Variants in GNG11 observed in about 807,000 individuals in gnomAD.
The protein encoded by GNG11 is guanine nucleotide-binding protein G(I)/G(S)/G(O) subunit gamma-11.
Under a neutral mutation model 7.4 loss-of-function variants are expected in GNG11, and 6 were observed. The ratio of observed to expected loss-of-function variants is 0.81; its 90% CI spans 0.44 to 1.60. The LOEUF (loss-of-function observed/expected upper bound fraction) is 1.60. Ranked by LOEUF, GNG11 falls within the 40% of genes most tolerant of loss-of-function variation. The probability of loss-of-function intolerance (pLI) is 0.01; values close to 1 mark genes in which losing one functional copy is unlikely to be tolerated. For missense variants in GNG11, 65 were observed against 83.0 expected (o/e 0.78, Z 0.84); for synonymous variants, 31 against 25.9 (o/e 1.20, Z -0.60).
In GNG11 at chr7:93,924,960, C is replaced by G. The variant is rs994619517; in HGVS notation, c.97-1131C>G. On this transcript the variant is annotated intron_variant, in intron 1 of 1. Coordinates refer to ENST00000248564, the MANE Select transcript of GNG11 (RefSeq NM_004126.4). ...CGGGCGGATCACGAGGTCAGGAGAT[C>G]AAGACCATGCTGGCTAACGTGGTGA... 7.2e-5 allele frequency among the ~76,000 whole-genome samples: 11 copies of G among 152,256 alleles called. 1 individual carries two copies. The South Asian group carries it at 2.1e-3, about 29-fold the overall frequency.
In GNG11 at chr7:93,921,823, T is replaced by G; in HGVS notation, c.-315T>G. On this transcript the variant is annotated 5_prime_UTR_variant, in exon 1 of 2. Coordinates refer to ENST00000248564, the MANE Select transcript of GNG11 (RefSeq NM_004126.4). ...CGTGGCCAGCATCCCTGCTGGGCGA[T>G]TGAGCAGCGGGAAGCTGCTTGGACC... is the stretch of plus-strand genomic sequence containing the variant. 18 of 197,952 alleles carry G rather than the reference T, an allele frequency of 9.1e-5. No homozygotes were observed. The highest frequency in any genetic ancestry group is 2.2e-4 in the East Asian group (2 of 8,990). 12.3% of individuals were successfully genotyped at this position (197,952 alleles called of 1,614,324 possible). A position where few individuals can be genotyped will look rare whatever the true frequency, so the allele number is the denominator to read the frequency against.
At chr7:93,925,447 C>A (rs937637738) in intron 1 of GNG11, among the ~76,000 whole-genome samples, 1 of 152,028 alleles carries the variant, frequency 6.6e-6, no homozygotes, top group Non-Finnish European at 1.5e-5. Flanking sequence ...TCAGATAAGT[C>A]TTTTATTATG....
At position 93,926,435 on chromosome 7, in the gene GNG11, T is replaced by C; in HGVS notation, c.*219T>C. Reference sequence around the variant, plus strand: ...GCAGAGAGTATCAGATGTACAATTATGGAAATAAGAACATTACTTGAGCAT... The same window carrying C: ...GCAGAGAGTATCAGATGTACAATTACGGAAATAAGAACATTACTTGAGCAT... On this transcript the variant is annotated 3_prime_UTR_variant, in exon 2 of 2. Transcript: ENST00000248564. 1 of 318,316 alleles carries C rather than the reference T, an allele frequency of 3.1e-6. No individual in the cohort carries two copies. Among genetic ancestry groups the C allele is most frequent in the Non-Finnish European group, 5.7e-6 (1 of 175,272 alleles). The allele number at this position is 318,316 out of a possible 1,614,324, so 19.7% of individuals were successfully genotyped here.
intron 1 of GNG11, among the ~76,000 whole-genome samples, chr7:93,925,588 C>T (rs1159980708): frequency 2.0e-5 from 3 of 152,138 alleles, no homozygotes; most frequent in Admixed American, 1.3e-4. Context: ...CAGAACATGG[C>T]ACACACCCAT....
intron 1 of GNG11, 38 bp downstream of exon 1, chr7:93,922,271 T>A: frequency 8.0e-7 from 1 of 1,248,752 alleles, no homozygotes; most frequent in Non-Finnish European, 1.1e-6. Context: ...TTCTCTGAAA[T>A]GAAGCAGGGT....
At chr7:93,922,799 A>G (rs1794633355) in intron 1 of GNG11, among the ~76,000 whole-genome samples, 1 of 152,212 alleles carries the variant, frequency 6.6e-6, no homozygotes, top group Non-Finnish European at 1.5e-5. Context: ...GTATGCGATT[A>G]ATACAGTAGT....
At chr7:93,925,019 C>A (rs915108237) in intron 1 of GNG11, among the ~76,000 whole-genome samples, 6 of 152,102 alleles carry the variant, frequency 3.9e-5, no homozygotes, top group Non-Finnish European at 7.4e-5. Flanking sequence ...AAAAAATTAG[C>A]CAGGCGTGGT....
Position 93,926,294 on chromosome 7 carries a change from T to A in GNG11, c.*78T>A. On this transcript the variant is annotated 3_prime_UTR_variant, in exon 2 of 2. Transcript: ENST00000248564. The stretch of plus-strand genomic sequence containing the variant: ...TCCCAGATAAAACCAACATGCTTTT[T>A]AAGGAAGGAAGAATGAAATTAAAAG... 9.2e-7 allele frequency: 1 copy of A among 1,085,564 alleles called. No homozygotes were observed. 67.2% of individuals were successfully genotyped at this position (1,085,564 alleles called of 1,614,324 possible).
chr7:93,925,866 T>C (rs1794671198), intron 1 of GNG11, among the ~76,000 whole-genome samples: 1 of 151,910 alleles, frequency 6.6e-6, no homozygotes, highest in Admixed American at 6.6e-5. Context: ...TTACATAGGT[T>C]GCATCATAGG....
In GNG11 at chr7:93,922,120, C is replaced by T. The variant is rs762937534; in HGVS notation, c.-18C>T. ...GCTCCGCTGCCAGAGCTAGCCCGAGCCCGGTTCTGGGGCGAAAATGCCTGC... is the reference window on the plus strand; with the variant it reads ...GCTCCGCTGCCAGAGCTAGCCCGAGTCCGGTTCTGGGGCGAAAATGCCTGC... On this transcript the variant is annotated 5_prime_UTR_variant, in exon 1 of 2. Transcript: ENST00000248564. The T allele has an allele frequency of 9.7e-6, 15 of 1,541,188 alleles. No homozygotes were observed. The Admixed American group carries it at 2.6e-4, about 27-fold the overall frequency.
intron 1 of GNG11, among the ~76,000 whole-genome samples, chr7:93,925,533 C>A (rs1794665904): frequency 6.6e-6 from 1 of 152,124 alleles, no homozygotes; most frequent in African/African-American, 2.4e-5. Flanking sequence ...TCCAATCTTT[C>A]CAGAATCAGG....
chr7:93,928,109 T>G lies in GNG11; in HGVS notation c.*1893T>G, dbSNP rs1794705964. The G allele has an allele frequency of 6.7e-6, 1 of 149,306 alleles. No homozygotes were observed. The highest frequency in any genetic ancestry group is 6.6e-5 in the Admixed American group (1 of 15,190). The allele number at this position is 149,306 out of a possible 1,614,324, so 9.2% of individuals were successfully genotyped here. ...GGCAAGGCAGTTTAAATCACCTGCT[T>G]CTTTCATGAAAGGCCAAGACAATAC... On this transcript the variant is annotated 3_prime_UTR_variant, in exon 2 of 2. Coordinates refer to ENST00000248564, the MANE Select transcript of GNG11 (RefSeq NM_004126.4).
At chr7:93,925,310 C>T (rs1794662721) in intron 1 of GNG11, among the ~76,000 whole-genome samples, 2 of 151,886 alleles carry the variant, frequency 1.3e-5, no homozygotes, top group South Asian at 4.1e-4. Context: ...ATTCTTGCAA[C>T]CTGTCTTTTA....
At chr7:93,925,550 C>G (rs1365099146) in intron 1 of GNG11, among the ~76,000 whole-genome samples, 2 of 152,270 alleles carry the variant, frequency 1.3e-5, no homozygotes, top group Admixed American at 6.5e-5. Context: ...CAGGCTTTTT[C>G]CAAAGCTTCT....
chr7:93,923,655 A>T (rs1794642736), intron 1 of GNG11, among the ~76,000 whole-genome samples: 2 of 152,226 alleles, frequency 1.3e-5, no homozygotes, highest in African/African-American at 4.8e-5. Context: ...AATATTTGGT[A>T]TCACTGTGTA....
chr7:93,925,500 A>G (rs543002503), intron 1 of GNG11, among the ~76,000 whole-genome samples: 9 of 152,308 alleles, frequency 5.9e-5, no homozygotes, highest in African/African-American at 2.2e-4. Context: ...GAGGAGCAAC[A>G]CAGAGTGCGA....
chr7:93,922,174 GA>G lies in GNG11; in HGVS notation c.42del (p.Lys14AsnfsTer2). 1 of 1,597,174 alleles carries G rather than the reference GA, an allele frequency of 6.3e-7. No individual in the cohort carries two copies. The highest frequency in any genetic ancestry group is 8.6e-7 in the Non-Finnish European group (1 of 1,168,584). ...ALHIEDLPEK[E>X]KLKMEVEQLR... is the part of the protein sequence containing the mutation. ...TCACATCGAAGATTTGCCAGAGAAG[GA>G]AAAACTGAAAATGGAAGTTGAGCAG... is the stretch of plus-strand genomic sequence containing the variant. On this transcript the variant is annotated frameshift_variant, in exon 1 of 2. Coordinates refer to ENST00000248564, the MANE Select transcript of GNG11 (RefSeq NM_004126.4). LOFTEE classifies it high-confidence loss of function.
In GNG11 at chr7:93,922,049, C is replaced by T. The variant is rs1283050713; in HGVS notation, c.-89C>T. ...CTGCGCGGGTGGGCGGCGGGCCAGG[C>T]CTTCAGTTGTTTCGGGACGCGCCGA... On this transcript the variant is annotated 5_prime_UTR_variant, in exon 1 of 2. Coordinates refer to ENST00000248564, the MANE Select transcript of GNG11 (RefSeq NM_004126.4). The T allele has an allele frequency of 1.3e-6, 1 of 742,294 alleles. No individual in the cohort carries two copies. Among genetic ancestry groups the T allele is most frequent in the East Asian group, 2.9e-5 (1 of 34,438 alleles). The allele number at this position is 742,294 out of a possible 1,614,324, so 46.0% of individuals were successfully genotyped here.
chr7:93,923,974 G>T (rs1334034849), intron 1 of GNG11, among the ~76,000 whole-genome samples: 1 of 152,032 alleles, frequency 6.6e-6, no homozygotes, highest in Non-Finnish European at 1.5e-5. Context: ...ATTATTGCTA[G>T]GCAAGCATTG....
Sources: gnomAD v4.1 joint callset for allele counts (sites outside exome capture counted in the v4.1 genomes callset) on GRCh38, gnomAD v4.1.1 for gene constraint, MANE v1.5 for transcripts, NCBI Gene and HGNC (gene_info 2026-07-23, HGNC 2026-07-21) for gene names.